The following COL20A1 variants were observed in gnomAD, a reference collection of about 807,000 sequenced individuals.
The protein encoded by COL20A1 is collagen alpha-1(XX) chain.
COL20A1 carries 164 observed loss-of-function variants against 152.9 expected under a neutral mutation model. The observed-to-expected ratio is 1.07, with a 90% CI of 0.94 to 1.22. The LOEUF is 1.22. Among genes scored for constraint, COL20A1 ranks in the 50% most tolerant of loss-of-function variants. The pLI is 0.00. For synonymous variants in COL20A1, 864 were observed against 756.0 expected (o/e 1.14, Z -2.34); for missense variants, 1,873 against 1,744.8 (o/e 1.07, Z -1.31).
In COL20A1 at chr20:63,329,573, C is replaced by G. The variant is rs1370557478; in HGVS notation, c.3782-12C>G. ...ATTGCTCCGTCCTCACATGCCCTCC[C>G]TTTCCTCGCAGGGGAGCCTGGAGCT... is the stretch of plus-strand genomic sequence containing the variant. On this transcript the variant is annotated splice_polypyrimidine_tract_variant and intron_variant, in intron 34 of 35. Coordinates refer to ENST00000358894, the MANE Select transcript of COL20A1 (RefSeq NM_020882.4). The G allele has an allele frequency of 6.2e-7, 1 of 1,607,604 alleles. No homozygotes were observed. Among genetic ancestry groups the G allele is most frequent in the Non-Finnish European group, 8.5e-7 (1 of 1,178,122 alleles).
At chr20:63,295,718 C>T (rs572320715) in intron 2 of COL20A1, among the ~76,000 whole-genome samples, 5 of 152,362 alleles carry the variant, frequency 3.3e-5, no homozygotes, top group African/African-American at 1.2e-4. Context: ...CCGCCCATGG[C>T]AGCAAAGGGA....
At chr20:63,317,017 A>AT (rs137953450) in intron 21 of COL20A1, among the ~76,000 whole-genome samples, 11,111 of 152,286 alleles carry the variant, frequency 0.073, 456 homozygotes, top group South Asian at 0.11. Flanking sequence ...GATGGGCCAA[A>AT]CTGCCAGTAG....
Position 63,311,942 on chromosome 20 carries a change from G to A in COL20A1, c.1690G>A (p.Gly564Ser). The change falls in exon 14 of 36, where the codon GGC becomes AGC. Residue 564 changes from glycine (G) to serine (S), a missense_variant. By Grantham distance (56) the Gly-to-Ser change is moderately conservative (BLOSUM62 0). Coordinates refer to ENST00000358894, the MANE Select transcript of COL20A1 (RefSeq NM_020882.4). The surrounding 1 kb of genome is among the most constrained non-coding windows in gnomAD (Gnocchi z 4.4). Reference protein sequence around the residue: ...TPTLAPPRHLGFSDVSHDAAR... With the variant: ...TPTLAPPRHLSFSDVSHDAAR... ...CACCCTGGCCCCCCCGAGACACCTG[G>A]GCTTCTCAGACGTGAGCCACGACGC... The A allele has an allele frequency of 6.3e-7, 1 of 1,580,780 alleles. No individual in the cohort carries two copies. Among genetic ancestry groups the A allele is most frequent in the Non-Finnish European group, 8.6e-7 (1 of 1,166,276 alleles).
rs199535047 is a variant in COL20A1, at chr20:63,308,058, G to T, written c.743G>T (p.Arg248Leu). 1 of 1,612,440 alleles carries T rather than the reference G, an allele frequency of 6.2e-7. No individual in the cohort carries two copies. Among genetic ancestry groups the T allele is most frequent in the Non-Finnish European group, 8.5e-7 (1 of 1,179,738 alleles). The change falls in exon 7 of 36, where the codon CGC becomes CTC. Residue 248 changes from arginine (R) to leucine (L), a missense_variant. Transcript: ENST00000358894. ...GAACAGGTGCTGGCAGCTGTGCGCC[G>T]CCTCCGCTACAAGGGGGGGAACACG... Reference protein sequence around the residue: ...TKEQVLAAVRRLRYKGGNTFT... With the variant: ...TKEQVLAAVRLLRYKGGNTFT...
intron 25 of COL20A1, among the ~76,000 whole-genome samples, chr20:63,320,711 CTT>C (rs1160107318): frequency 4.6e-5 from 7 of 152,152 alleles, no homozygotes; most frequent in Non-Finnish European, 1.0e-4. Flanking sequence ...CTGTGCTGGG[CTT>C]GGCCATACTG....
chr20:63,326,435 GC>G (rs2068249656), intron 30 of COL20A1, among the ~76,000 whole-genome samples: 1 of 152,186 alleles, frequency 6.6e-6, no homozygotes, highest in African/African-American at 2.4e-5. Flanking sequence ...TGCTGGGCAG[GC>G]CAGGTTGCCT....
Position 63,330,191 on chromosome 20 carries a change from A to G in COL20A1, c.*4-529A>G, listed in dbSNP as rs117664230. Among the ~76,000 whole-genome samples the G allele has an allele frequency of 2.0e-5, 3 of 152,164 alleles. No homozygotes were observed. The East Asian group carries it at 5.8e-4, about 30-fold the overall frequency. The stretch of plus-strand genomic sequence containing the variant: ...GCTGGGCAGGCGGACCCTGTGTGCA[A>G]ACTTAGCTGAGGGGCTGGTCCCAGC... On this transcript the variant is annotated intron_variant, in intron 35 of 35. Coordinates refer to ENST00000358894, the MANE Select transcript of COL20A1 (RefSeq NM_020882.4).
At chr20:63,304,226 T>C (rs1176500073) in intron 3 of COL20A1, among the ~76,000 whole-genome samples, 32 of 54,908 alleles carry the variant, frequency 5.8e-4, no homozygotes, top group South Asian at 1.0e-3. Flanking sequence ...CCTCCAGGTG[T>C]GCACGTGTGG....
At chr20:63,328,222 G>A (rs914585478) in intron 33 of COL20A1, 95 bp downstream of exon 33, 31 of 1,557,990 alleles carry the variant, frequency 2.0e-5, no homozygotes, top group African/African-American at 8.2e-5. Flanking sequence ...GAGGGAGGCC[G>A]CCTTCACCCA....
chr20:63,307,456 TCAC>T (rs1422635770), intron 5 of COL20A1, 31 bp from the exon 6 acceptor site: 1 of 1,592,878 alleles, frequency 6.3e-7, no homozygotes, highest in African/African-American at 1.3e-5. Context: ...GGGATGGGCC[TCAC>T]CTAGCACCTG....
In COL20A1 at chr20:63,325,494, G is replaced by A; in HGVS notation, c.3348G>A (p.Gln1116=). ...EKGDHGLPGL[Q]GHPGHQGIPG... ...GAGACCATGGGCTTCCAGGCTTGCA[G>A]GTAGTGTGGCTGGGGCCAGGGGGCC... The change falls in exon 28 of 36, where the codon CAG becomes CAA. Residue 1116 remains glutamine, a splice_region_variant and synonymous_variant. Coordinates refer to ENST00000358894, the MANE Select transcript of COL20A1 (RefSeq NM_020882.4). The A allele has an allele frequency of 6.2e-7, 1 of 1,612,424 alleles. No homozygotes were observed. Among genetic ancestry groups the A allele is most frequent in the Non-Finnish European group, 8.5e-7 (1 of 1,179,426 alleles).
chr20:63,295,927 G>C (rs1015123731), intron 2 of COL20A1, among the ~76,000 whole-genome samples: 5 of 152,270 alleles, frequency 3.3e-5, no homozygotes, highest in Non-Finnish European at 7.3e-5. Flanking sequence ...GGGAGGTTCC[G>C]GGCTCCCACT....
chr20:63,299,795 T>G (rs2067843267), intron 3 of COL20A1, among the ~76,000 whole-genome samples: 1 of 151,814 alleles, frequency 6.6e-6, no homozygotes. Flanking sequence ...GATTGATTTT[T>G]TAAATATTAA....
rs1166698992 is a variant in COL20A1 at position 63,313,067 on chromosome 20, C to A, written c.2077-50C>A. ...GATGCCTCACTGCCCGGCCCCCCAA[C>A]CTGAGGACCCCACTGCACCCGGTGA... On this transcript the variant is annotated intron_variant, in intron 16 of 35. Transcript: ENST00000358894. This position sits in a 1 kb window ranked among gnomAD's most constrained non-coding sequence, Gnocchi z 5.9. The A allele has an allele frequency of 5.7e-6, 9 of 1,577,408 alleles. No individual in the cohort carries two copies. Among genetic ancestry groups the A allele is most frequent in the Non-Finnish European group, 7.7e-6 (9 of 1,161,850 alleles).
chr20:63,319,593 C>T lies in COL20A1; in HGVS notation c.2913C>T (p.His971=). Residue 971 remains histidine (H), a synonymous_variant, in exon 23 of 36, where the codon CAC becomes CAT. Transcript: ENST00000358894. The surrounding 1 kb of genome is among the most constrained non-coding windows in gnomAD (Gnocchi z 4.4). ...GGAAGATTTTCTTCGGGAGCTTCCA[C>T]AAGGTCCTGGTGCAGCTCGCGCCCC... is the stretch of plus-strand genomic sequence containing the variant. The part of the protein sequence containing the change: ...EVRKIFFGSF[H]KVHVAVGRSK... 1 of 1,572,094 alleles carries T rather than the reference C, an allele frequency of 6.4e-7. No individual in the cohort carries two copies. The highest frequency in any genetic ancestry group is 8.6e-7 in the Non-Finnish European group (1 of 1,158,672).
At chr20:63,307,872 C>T in intron 6 of COL20A1, 99 bp from the exon 7 acceptor site, 1 of 1,448,100 alleles carries the variant, frequency 6.9e-7, no homozygotes, top group Non-Finnish European at 9.4e-7. Flanking sequence ...CAGGTGACCC[C>T]ACAGAGGCAC....
intron 27 of COL20A1, chr20:63,324,166 C>T (rs1335322535): frequency 2.6e-5 from 4 of 152,310 alleles, no homozygotes; most frequent in African/African-American, 7.2e-5. Context: ...TCACACTGGC[C>T]GTGACCGCTG....
At chr20:63,329,551 G>C in intron 34 of COL20A1, 34 bp from the exon 35 acceptor site, 2 of 1,572,320 alleles carry the variant, frequency 1.3e-6, no homozygotes, top group Non-Finnish European at 1.7e-6. Context: ...CCACTGCATT[G>C]CTCCGTCCTC....
intron 25 of COL20A1, among the ~76,000 whole-genome samples, chr20:63,320,765 G>A (rs373377352): frequency 2.6e-5 from 4 of 152,178 alleles, no homozygotes; most frequent in African/African-American, 7.2e-5. Context: ...GCACCATTCT[G>A]TCCTGGGGCT....
Sources: allele counts gnomAD v4.1 joint callset (sites outside exome capture counted in the v4.1 genomes callset), GRCh38; gene constraint gnomAD v4.1.1; non-coding constraint Gnocchi (gnomAD v3.1); transcripts MANE v1.5; gene names NCBI Gene and HGNC (gene_info 2026-07-23, HGNC 2026-07-21).